LRRTM4: variants seen among roughly 807,000 people sequenced by gnomAD.
LRRTM4 encodes leucine-rich repeat transmembrane neuronal protein 4.
Under a neutral mutation model 47.6 loss-of-function variants are expected in LRRTM4, and 25 were observed. That is an observed-to-expected ratio of 0.53 (90% CI 0.38 to 0.73). LRRTM4 has a LOEUF of 0.73. Ranked by LOEUF, LRRTM4 falls within the 30% of genes least tolerant of loss-of-function variation. LRRTM4 has a pLI of 0.00. For synonymous variants in LRRTM4, 311 were observed against 269.5 expected, an observed-to-expected ratio of 1.15 and a Z score of -1.51; for missense variants, 638 against 713.4, an observed-to-expected ratio of 0.89 and a Z score of 1.20.
At chr2:76,941,621 T>C (rs577754214) in intron 3 of LRRTM4, among the ~76,000 whole-genome samples, 1 of 152,298 alleles carries the variant, frequency 6.6e-6, no homozygotes, top group East Asian at 1.9e-4. Flanking sequence ...AGGTCATAAA[T>C]GTCTCTGCAA....
intron 3 of LRRTM4, among the ~76,000 whole-genome samples, chr2:77,380,869 C>G (rs1673026067): frequency 6.6e-6 from 1 of 151,306 alleles, no homozygotes; most frequent in African/African-American, 2.4e-5. Context: ...AGTAATGTTT[C>G]TAAGGAATGT....
At chr2:77,440,664 A>T (rs1370610411) in intron 3 of LRRTM4, among the ~76,000 whole-genome samples, 4 of 152,222 alleles carry the variant, frequency 2.6e-5, no homozygotes, top group African/African-American at 9.6e-5. Context: ...CGGACACTGA[A>T]ATGATTCTTA....
intron 3 of LRRTM4, among the ~76,000 whole-genome samples, chr2:77,263,964 A>G (rs1183323861): frequency 1.3e-5 from 2 of 152,006 alleles, no homozygotes; most frequent in Non-Finnish European, 2.9e-5. Flanking sequence ...GTATTAAAGG[A>G]TCTAACGTGT....
chr2:77,050,346 G>A (rs916158439), intron 3 of LRRTM4, among the ~76,000 whole-genome samples: 2 of 151,962 alleles, frequency 1.3e-5, no homozygotes, highest in Non-Finnish European at 2.9e-5. Context: ...CTCTACTCGA[G>A]GCCTAATGCC....
intron 3 of LRRTM4, among the ~76,000 whole-genome samples, chr2:77,362,117 G>GAAAGAAAGAAAGAA (rs1672242546): frequency 1.0e-5 from 1 of 97,326 alleles, no homozygotes; most frequent in East Asian, 4.0e-4. Context: ...AAGAAAGAGA[G>GAAAGAAAGAAAGAA]AAAGAAAGAA....
chr2:76,907,316 C>T lies in LRRTM4; in HGVS notation c.1552-158400G>A, dbSNP rs527383066. On this transcript the variant is annotated intron_variant, in intron 3 of 3. Transcript: ENST00000409884. ...CCACGAGAACAAAGACACAACATACCAGAATCTCTGGGACGCATTCAAAGT... is the reference window on the plus strand; with the variant it reads ...CCACGAGAACAAAGACACAACATACTAGAATCTCTGGGACGCATTCAAAGT... Among the ~76,000 whole-genome samples, 275 of 151,008 alleles carry T rather than the reference C, an allele frequency of 1.8e-3. 1 individual carries two copies. Among genetic ancestry groups the T allele is most frequent in the Middle Eastern group, 0.01 (3 of 292 alleles).
chr2:77,299,343 GTA>G (rs964071069), intron 3 of LRRTM4, among the ~76,000 whole-genome samples: 35 of 148,000 alleles, frequency 2.4e-4, no homozygotes, highest in African/African-American at 4.2e-4. Flanking sequence ...ATGTATATAC[GTA>G]TATATATGTA....
At chr2:77,344,179 C>G (rs566279970) in intron 3 of LRRTM4, among the ~76,000 whole-genome samples, 50 of 151,570 alleles carry the variant, frequency 3.3e-4, no homozygotes, top group African/African-American at 1.0e-3. Context: ...AGAAACAAGT[C>G]AAAAGAACAT....
intron 3 of LRRTM4, among the ~76,000 whole-genome samples, chr2:76,913,650 G>C (rs1369254199): frequency 6.7e-6 from 1 of 149,926 alleles, no homozygotes; most frequent in African/African-American, 2.5e-5. Context: ...AGTGATTCTC[G>C]TACCTCAGCC....
chr2:77,164,027 C>A (rs941105340), intron 3 of LRRTM4, among the ~76,000 whole-genome samples: 5 of 152,016 alleles, frequency 3.3e-5, no homozygotes, highest in African/African-American at 4.8e-5. Context: ...ATTGGATAAG[C>A]AGTCAACACC....
At chr2:77,456,142 G>C (rs767885586) in intron 3 of LRRTM4, among the ~76,000 whole-genome samples, 5 of 151,940 alleles carry the variant, frequency 3.3e-5, no homozygotes, top group Non-Finnish European at 5.9e-5. Flanking sequence ...AATCCCTACT[G>C]ACTAAATTCA....
intron 3 of LRRTM4, among the ~76,000 whole-genome samples, chr2:77,393,590 G>T (rs746752812): frequency 4.6e-5 from 7 of 151,976 alleles, no homozygotes; most frequent in African/African-American, 9.7e-5. Context: ...AAGGCTCTGG[G>T]GAAATATTGG....
chr2:77,123,055 CA>C (rs150656265), intron 3 of LRRTM4, among the ~76,000 whole-genome samples: 2 of 150,860 alleles, frequency 1.3e-5, no homozygotes, highest in South Asian at 4.2e-4. Flanking sequence ...TTCAAATATG[CA>C]AAAAAAAGTT....
chr2:77,433,954 G>A (rs1269635422), intron 3 of LRRTM4, among the ~76,000 whole-genome samples: 1 of 152,108 alleles, frequency 6.6e-6, no homozygotes, highest in African/African-American at 2.4e-5. Context: ...AGGCACAACA[G>A]AATCTCTACA....
chr2:76,848,581 T>C (rs933277168), intron 3 of LRRTM4, among the ~76,000 whole-genome samples: 7 of 152,130 alleles, frequency 4.6e-5, no homozygotes, highest in African/African-American at 1.7e-4. Context: ...ACATTTGTTA[T>C]AATTTTTAAG....
chr2:77,239,736 C>T (rs1228543113), intron 3 of LRRTM4, among the ~76,000 whole-genome samples: 1 of 151,484 alleles, frequency 6.6e-6, no homozygotes, highest in Non-Finnish European at 1.5e-5. Context: ...TATTGTTGCA[C>T]CTAATAGTAG....
intron 3 of LRRTM4, among the ~76,000 whole-genome samples, chr2:76,856,174 G>A (rs1672144010): frequency 6.6e-6 from 1 of 152,240 alleles, no homozygotes; most frequent in East Asian, 1.9e-4. Context: ...CTACTCGGGA[G>A]GCTGAGGCAA....
At chr2:77,140,307 C>T (rs1291000572) in intron 3 of LRRTM4, among the ~76,000 whole-genome samples, 1 of 152,142 alleles carries the variant, frequency 6.6e-6, no homozygotes, top group South Asian at 2.1e-4. Context: ...ACAGAGCCTT[C>T]AGAAATAATA....
At position 76,769,015 on chromosome 2, in the gene LRRTM4, G is replaced by A. The variant is rs1298930230; in HGVS notation, c.1552-20099C>T. On this transcript the variant is annotated intron_variant, in intron 3 of 3. Transcript: ENST00000409884. The stretch of plus-strand genomic sequence containing the variant: ...AGAGGTTTGAACAAAGATACCAAAC[G>A]AAGCATCTTGTGGCACAGTTTAAGA... Among the ~76,000 whole-genome samples the A allele has an allele frequency of 3.3e-5, 5 of 152,120 alleles. No homozygotes were observed. The East Asian group carries it at 7.7e-4, about 23-fold the overall frequency.
Sources: gnomAD v4.1 joint callset for allele counts (sites outside exome capture counted in the v4.1 genomes callset) on GRCh38, gnomAD v4.1.1 for gene constraint, MANE v1.5 for transcripts, NCBI Gene and HGNC (gene_info 2026-07-23, HGNC 2026-07-21) for gene names.